C8orf34: variants seen among roughly 807,000 people sequenced by gnomAD.
C8orf34 encodes the protein chromosome 8 open reading frame 34, also known as uncharacterized protein C8orf34.
A neutral mutation model predicts 68.3 loss-of-function variants in C8orf34; 65 were observed. That is an observed-to-expected ratio of 0.95 (90% confidence interval 0.78 to 1.17). The LOEUF is 1.17. C8orf34 is among the 50% of genes most tolerant of loss of function. The pLI, the probability that C8orf34 is intolerant of heterozygous loss-of-function variation, is 0.00. For missense variants in C8orf34, 664 were observed against 655.4 expected (o/e 1.01, Z -0.14); for synonymous variants, 244 against 241.2 (o/e 1.01, Z -0.11).
At chr8:68,794,476 A>AATATATATATAT (rs1563673874) in intron 12 of C8orf34, among the ~76,000 whole-genome samples, 2 of 111,640 alleles carry the variant, frequency 1.8e-5, no homozygotes, top group East Asian at 2.2e-4. Context: ...CCAGTATATA[A>AATATATATATAT]ATATAAATAT....
At chr8:68,452,506 C>T (rs1811385980) in intron 3 of C8orf34, among the ~76,000 whole-genome samples, 2 of 151,118 alleles carry the variant, frequency 1.3e-5, no homozygotes, top group Admixed American at 1.3e-4. Context: ...ATTTGCATTT[C>T]CCTAAAGGTT....
At chr8:68,571,825 T>G (rs955061881) in intron 7 of C8orf34, among the ~76,000 whole-genome samples, 1 of 152,146 alleles carries the variant, frequency 6.6e-6, no homozygotes, top group East Asian at 1.9e-4. Context: ...GAAAACCAAA[T>G]GTGAATTTTT....
intron 7 of C8orf34, among the ~76,000 whole-genome samples, chr8:68,557,578 C>G (rs944191375): frequency 6.6e-5 from 10 of 152,114 alleles, no homozygotes. Context: ...AGTAGCAAAA[C>G]CTCCACCTTG....
At chr8:68,725,438 C>G (rs182356965) in intron 10 of C8orf34, among the ~76,000 whole-genome samples, 4 of 152,138 alleles carry the variant, frequency 2.6e-5, no homozygotes, top group Admixed American at 2.6e-4. Context: ...CTAAAATGCC[C>G]AGGGTTTACT....
intron 1 of C8orf34, chr8:68,439,011 G>C (rs935287252): frequency 3.9e-5 from 6 of 152,158 alleles, no homozygotes; most frequent in South Asian, 4.1e-4. Context: ...CTGTAAGTCT[G>C]TGACTTATTA....
intron 7 of C8orf34, among the ~76,000 whole-genome samples, chr8:68,629,077 T>C (rs940452031): frequency 6.6e-6 from 1 of 152,062 alleles, no homozygotes; most frequent in Non-Finnish European, 1.5e-5. Flanking sequence ...TTCTTAAATA[T>C]AACATTCATA....
intron 1 of C8orf34, among the ~76,000 whole-genome samples, chr8:68,416,677 G>A (rs536247932): frequency 2.0e-5 from 3 of 151,990 alleles, no homozygotes; most frequent in Admixed American, 6.6e-5. Context: ...ATTACAGGTA[G>A]ATGTCACCAT....
At chr8:68,537,799 G>GT (rs535710797) in intron 7 of C8orf34, among the ~76,000 whole-genome samples, 6 of 151,074 alleles carry the variant, frequency 4.0e-5, no homozygotes, top group African/African-American at 1.5e-4. Context: ...CTTCACTTTT[G>GT]TTTTTTTCAG....
intron 10 of C8orf34, among the ~76,000 whole-genome samples, chr8:68,737,156 G>T (rs1822144672): frequency 6.6e-6 from 1 of 152,042 alleles, no homozygotes; most frequent in South Asian, 2.1e-4. Flanking sequence ...CTAGAACAGG[G>T]TTGGAAAGCT....
At chr8:68,456,341 T>C (rs1240081221) in intron 3 of C8orf34, among the ~76,000 whole-genome samples, 1 of 152,158 alleles carries the variant, frequency 6.6e-6, no homozygotes, top group Non-Finnish European at 1.5e-5. Flanking sequence ...AAAAAGCAAC[T>C]TCTTAGCCCA....
intron 3 of C8orf34, among the ~76,000 whole-genome samples, chr8:68,453,653 G>C (rs759151376): frequency 2.0e-5 from 3 of 151,852 alleles, no homozygotes; most frequent in Non-Finnish European, 2.9e-5. Flanking sequence ...TAGTTTATTA[G>C]TTCTAACACT....
chr8:68,484,916 A>C (rs1455272166), intron 4 of C8orf34, among the ~76,000 whole-genome samples: 1 of 152,276 alleles, frequency 6.6e-6, no homozygotes. Flanking sequence ...TCATCAAAAT[A>C]TGTAAATTTT....
At chr8:68,742,316 T>G in intron 10 of C8orf34, among the ~76,000 whole-genome samples, 1 of 152,188 alleles carries the variant, frequency 6.6e-6, no homozygotes, top group East Asian at 1.9e-4. Context: ...TTATTCTCCC[T>G]ACCAATTATT....
chr8:68,722,172 C>T lies in C8orf34; in HGVS notation c.1404+735C>T, dbSNP rs182098477. On this transcript the variant is annotated intron_variant, in intron 10 of 13. Coordinates refer to ENST00000518698, the MANE Select transcript of C8orf34 (RefSeq NM_052958.4). ...GCAGGGCTGCTTGCTTCTGAGGTCT[C>T]CCTTTTTACCTTGCAGATAAATGTC... is the stretch of plus-strand genomic sequence containing the variant. Among the ~76,000 whole-genome samples, 45 of 152,108 alleles carry T rather than the reference C, an allele frequency of 3.0e-4. No individual in the cohort carries two copies. In the East Asian group the frequency reaches 8.1e-3, roughly 27 times the overall value.
rs1823520667 is a variant in C8orf34 at position 68,776,437 on chromosome 8, C to G, written c.1443C>G (p.Asn481Lys). The G allele has an allele frequency of 6.2e-7, 1 of 1,613,028 alleles. No homozygotes were observed. The highest frequency in any genetic ancestry group is 8.5e-7 in the Non-Finnish European group (1 of 1,179,174). Reference protein sequence around the residue: ...ASSGVGHSLKNYMEEDESLKQ... With the variant: ...ASSGVGHSLKKYMEEDESLKQ... ...GTGGAGTAGGACACTCACTGAAAAA[C>G]TACATGGAAGAAGTGAGTTTTAAGG... Residue 481 changes from asparagine (N) to lysine (K), a missense_variant, in exon 11 of 14, where the codon AAC becomes AAG. Asn to Lys is a moderately conservative substitution (Grantham distance 94). Transcript: ENST00000518698.
chr8:68,622,956 G>A (rs1818431550), intron 7 of C8orf34, among the ~76,000 whole-genome samples: 1 of 152,186 alleles, frequency 6.6e-6, no homozygotes, highest in South Asian at 2.1e-4. Flanking sequence ...TACTGGACTG[G>A]TGTTATGGTA....
At chr8:68,603,519 A>ATC (rs1365655390) in intron 7 of C8orf34, among the ~76,000 whole-genome samples, 56 of 108,052 alleles carry the variant, frequency 5.2e-4, no homozygotes, top group East Asian at 2.6e-3. Context: ...GTATATATAC[A>ATC]TATATCTATC....
intron 5 of C8orf34, among the ~76,000 whole-genome samples, chr8:68,495,893 T>A (rs1240428178): frequency 2.6e-5 from 4 of 152,276 alleles, no homozygotes; most frequent in Non-Finnish European, 5.9e-5. Flanking sequence ...GGTACTATTG[T>A]ATAGCCCATG....
intron 12 of C8orf34, among the ~76,000 whole-genome samples, chr8:68,811,417 A>C (rs1232958897): frequency 6.6e-6 from 1 of 152,142 alleles, no homozygotes; most frequent in Non-Finnish European, 1.5e-5. Flanking sequence ...GAACAGCTGC[A>C]CCTGTGCCCT....
Sources: allele counts gnomAD v4.1 joint callset (sites outside exome capture counted in the v4.1 genomes callset), GRCh38; gene constraint gnomAD v4.1.1; transcripts MANE v1.5; gene names NCBI Gene and HGNC (gene_info 2026-07-23, HGNC 2026-07-21).